The following HERC6 variants were observed in gnomAD, a reference collection of about 807,000 sequenced individuals.
HERC6 encodes the protein probable E3 ubiquitin-protein ligase HERC6.
Under a neutral mutation model 114.5 loss-of-function variants are expected in HERC6, and 101 were observed. That is an observed-to-expected ratio of 0.88 (90% CI 0.75 to 1.04). The LOEUF (loss-of-function observed/expected upper bound fraction) is 1.04, where lower values mean the gene tolerates loss of function less well. Among genes scored for constraint, HERC6 ranks in the 50% least tolerant of loss-of-function variants. HERC6 has a pLI of 0.00. For missense variants in HERC6, 1,133 were observed against 1,230.9 expected, an observed-to-expected ratio of 0.92 and a Z score of 1.19; for synonymous variants, 408 against 436.2, an observed-to-expected ratio of 0.94 and a Z score of 0.81.
In HERC6 at chr4:88,417,488, C is replaced by G; in HGVS notation, c.1622C>G (p.Ala541Gly). Reference protein sequence around the residue: ...LNPLIQMLKAAIISQLLHQTK... With the variant: ...LNPLIQMLKAGIISQLLHQTK... ...CCGCTGATCCAGATGCTTAAAGCAG[C>G]CATCATCTCTCAGCTGCTTCATCAG... Residue 541 changes from alanine to glycine, a missense_variant, in exon 13 of 23, where the codon GCC (alanine) becomes GGC (glycine). Physicochemically the swap from Ala to Gly is moderately conservative, Grantham distance 60. Around this residue, in one of 3 missense-constraint regions of HERC6, gnomAD observed 735 missense variants for 754.0 expected, o/e 0.97. Transcript: ENST00000264346. 1 of 1,611,768 alleles carries G rather than the reference C, an allele frequency of 6.2e-7. No homozygotes were observed. The highest frequency in any genetic ancestry group is 8.5e-7 in the Non-Finnish European group (1 of 1,178,888).
Position 88,404,908 on chromosome 4 carries a change from C to T in HERC6, c.1125C>T (p.Thr375=). ...GTTCCACACGTGCTCCCGGGAAAAC[C>T]CTGCCAGAAATAAGCCGAATTAGCC... ...DTSSTRAPGK[T]LPEISRISQS... The change falls in exon 9 of 23, where the codon ACC becomes ACT. Residue 375 remains threonine, a synonymous_variant. Transcript: ENST00000264346. The T allele has an allele frequency of 1.2e-6, 2 of 1,613,714 alleles. No individual in the cohort carries two copies. Among genetic ancestry groups the T allele is most frequent in the Non-Finnish European group, 1.7e-6 (2 of 1,179,740 alleles).
rs374207696 is a variant in HERC6, at chr4:88,379,116, G to A, written c.195G>A (p.Leu65=). The change falls in exon 1 of 23, where the codon CTG becomes CTA. Residue 65 remains leucine (L), a synonymous_variant. Transcript: ENST00000264346. ...LGRRGAQRGE[L]PEPIQALETL... ...GCAGGGGCGCGCAGCGCGGGGAGCT[G>A]CCAGGTGAGCGGGGGGCCCCAGGTG... The A allele has an allele frequency of 1.3e-3, 1,973 of 1,540,722 alleles. 2 individuals carry two copies. Among genetic ancestry groups the A allele is most frequent in the Non-Finnish European group, 1.5e-3 (1,690 of 1,145,518 alleles).
chr4:88,424,409 AAGG>A (rs1737382356), intron 14 of HERC6, among the ~76,000 whole-genome samples, 183 bp from the exon 15 acceptor site: 3 of 152,228 alleles, frequency 2.0e-5, no homozygotes, highest in South Asian at 2.1e-4. Context: ...GAGCCCAGAG[AAGG>A]AGGTTTTAGT....
chr4:88,395,106 T>C (rs1335986062), intron 5 of HERC6, among the ~76,000 whole-genome samples: 1 of 152,250 alleles, frequency 6.6e-6, no homozygotes. Context: ...GTAGTTGAAA[T>C]GTTTGTTTAA....
intron 17 of HERC6, among the ~76,000 whole-genome samples, chr4:88,431,662 C>A (rs1463403760): frequency 6.6e-6 from 1 of 152,184 alleles, no homozygotes; most frequent in Non-Finnish European, 1.5e-5. Flanking sequence ...TGGTTCACAC[C>A]TGTAATTCCA....
rs1209953181 is a variant in HERC6 at position 88,423,950 on chromosome 4, C to CAG, written c.1805_1806dup (p.Leu603SerfsTer8). 4 of 1,526,830 alleles carry CAG rather than the reference C, an allele frequency of 2.6e-6. No individual in the cohort carries two copies. In the Admixed American group the frequency reaches 8.4e-5, roughly 32 times the overall value. The allele number at this position is 1,526,830 out of a possible 1,614,324, so 94.6% of individuals were successfully genotyped here. On this transcript the variant is annotated frameshift_variant, in exon 14 of 23. Coordinates refer to ENST00000264346, the MANE Select transcript of HERC6 (RefSeq NM_017912.4). LOFTEE classifies it high-confidence loss of function. ...AAACTTTTATATAGATAGAGGAAGA[C>CAG]AGCTCTTTCGGGATAACCACCTGGT...
intron 3 of HERC6, among the ~76,000 whole-genome samples, chr4:88,388,743 A>G (rs1734732486): frequency 6.6e-6 from 1 of 152,078 alleles, no homozygotes; most frequent in Non-Finnish European, 1.5e-5. Context: ...AAGAGAATAG[A>G]TGGTGAATGT....
In HERC6 at chr4:88,378,893, C is replaced by T. The variant is rs373911611; in HGVS notation, c.-29C>T. ...CTGTCGCAGCGGGACCGACGGAATC[C>T]GGAGCAGGCGACAGGGCGCAGAAGC... On this transcript the variant is annotated 5_prime_UTR_variant, in exon 1 of 23. Transcript: ENST00000264346. 33 of 1,546,750 alleles carry T rather than the reference C, an allele frequency of 2.1e-5. No individual in the cohort carries two copies. Among genetic ancestry groups the T allele is most frequent in the Non-Finnish European group, 2.7e-5 (31 of 1,146,334 alleles).
At chr4:88,422,994 T>C (rs1178772872) in intron 13 of HERC6, among the ~76,000 whole-genome samples, 1 of 152,042 alleles carries the variant, frequency 6.6e-6, no homozygotes, top group Admixed American at 6.5e-5. Context: ...TCAAATGTCC[T>C]ATTTTTATCT....
intron 12 of HERC6, 41 bp downstream of exon 12, chr4:88,413,307 T>C: frequency 6.7e-7 from 1 of 1,487,120 alleles, no homozygotes; most frequent in Non-Finnish European, 9.2e-7. Context: ...CAATATAGAG[T>C]CACTCTCTGA....
chr4:88,416,590 C>G (rs1036256078), intron 12 of HERC6, among the ~76,000 whole-genome samples: 2 of 151,948 alleles, frequency 1.3e-5, no homozygotes, highest in Admixed American at 1.3e-4. Flanking sequence ...AATTCCCATC[C>G]TCCTGCTGTA....
chr4:88,379,154 AC>A, intron 1 of HERC6, 34 bp downstream of exon 1: 3 of 1,482,490 alleles, frequency 2.0e-6, no homozygotes, highest in Non-Finnish European at 2.7e-6. Context: ...GGGTGTGAGG[AC>A]CCCAGTACAT....
At position 88,385,518 on chromosome 4, in the gene HERC6, G is replaced by T; in HGVS notation, c.379G>T (p.Asp127Tyr). 1 of 1,470,620 alleles carries T rather than the reference G, an allele frequency of 6.8e-7. No homozygotes were observed. Among genetic ancestry groups the T allele is most frequent in the East Asian group, 2.5e-5 (1 of 39,836 alleles). The allele number at this position is 1,470,620 out of a possible 1,614,324, so 91.1% of individuals were successfully genotyped here. A position where few individuals can be genotyped will look rare whatever the true frequency, so the allele number is the denominator to read the frequency against. ...FTPKKIMTLN[D>Y]IKIIQVSCGH... is the part of the protein sequence containing the mutation. ...TTATAGGAAAATAATGACTCTGAAT[G>T]ATATAAAAATAATACAAGTTTCCTG... The change falls in exon 3 of 23, where the codon GAT becomes TAT. Residue 127 changes from aspartate (D) to tyrosine (Y), a missense_variant. Asp to Tyr is a radical substitution (Grantham distance 160). Around this residue, in one of 3 missense-constraint regions of HERC6, gnomAD observed 735 missense variants for 754.0 expected, o/e 0.97. Coordinates refer to ENST00000264346, the MANE Select transcript of HERC6 (RefSeq NM_017912.4).
intron 10 of HERC6, among the ~76,000 whole-genome samples, chr4:88,406,533 T>A (rs1735821663): frequency 6.6e-6 from 1 of 152,202 alleles, no homozygotes; most frequent in South Asian, 2.1e-4. Context: ...TGTGGGAAAA[T>A]CTTTTCTATG....
chr4:88,388,708 G>A (rs1371225998), intron 3 of HERC6, among the ~76,000 whole-genome samples: 1 of 150,062 alleles, frequency 6.7e-6, no homozygotes, highest in Non-Finnish European at 1.5e-5. Flanking sequence ...TTGTGTAGAT[G>A]AAGGCTTACA....
chr4:88,383,818 C>T (rs1734444156), intron 2 of HERC6, among the ~76,000 whole-genome samples: 1 of 136,704 alleles, frequency 7.3e-6, no homozygotes, highest in African/African-American at 2.7e-5. Context: ...CAGTTCCTAA[C>T]CTGAAGGACT....
At chr4:88,404,174 A>G (rs1277305693) in intron 8 of HERC6, among the ~76,000 whole-genome samples, 1 of 150,274 alleles carries the variant, frequency 6.7e-6, no homozygotes, top group Non-Finnish European at 1.5e-5. Context: ...ATGTTGTAGC[A>G]TGTGTCAGAA....
chr4:88,425,542 C>T (rs1247459450), intron 15 of HERC6, among the ~76,000 whole-genome samples: 1 of 152,162 alleles, frequency 6.6e-6, no homozygotes, highest in Non-Finnish European at 1.5e-5. Context: ...AAAAATACCT[C>T]CTTAAGCTTC....
At chr4:88,438,146 A>AG (rs1275010927) in intron 20 of HERC6, among the ~76,000 whole-genome samples, 1 of 151,790 alleles carries the variant, frequency 6.6e-6, no homozygotes, top group African/African-American at 2.4e-5. Flanking sequence ...AAAAAAAAAA[A>AG]AAGCATTTTA....
Sources: allele counts gnomAD v4.1 joint callset (sites outside exome capture counted in the v4.1 genomes callset), GRCh38; gene constraint gnomAD v4.1.1; regional missense constraint gnomAD v4.1.1; transcripts MANE v1.5; gene names NCBI Gene and HGNC (gene_info 2026-07-23, HGNC 2026-07-21).